LRRC4C: variants seen among roughly 807,000 people sequenced by gnomAD.
The protein encoded by LRRC4C is leucine-rich repeat-containing protein 4C.
Under a neutral mutation model 33.6 loss-of-function variants are expected in LRRC4C, and 5 were observed. That is an observed-to-expected ratio of 0.15 (90% CI 0.08 to 0.31). LRRC4C has a LOEUF of 0.31. LRRC4C is among the 10% of genes least tolerant of loss of function. The probability of loss-of-function intolerance (pLI) is 1.00; values close to 1 mark genes in which losing one functional copy is unlikely to be tolerated. For synonymous variants in LRRC4C, 329 were observed against 302.0 expected, an observed-to-expected ratio of 1.09 and a Z score of -0.93; for missense variants, 560 against 796.7, an observed-to-expected ratio of 0.70 and a Z score of 3.58.
intron 2 of LRRC4C, among the ~76,000 whole-genome samples, chr11:40,743,558 A>T (rs1222201722): frequency 6.6e-6 from 1 of 152,118 alleles, no homozygotes; most frequent in Non-Finnish European, 1.5e-5. Context: ...TATAGGCCTG[A>T]GGCTTCATTC....
chr11:40,855,174 G>C (rs1475767212), intron 2 of LRRC4C, among the ~76,000 whole-genome samples: 1 of 152,094 alleles, frequency 6.6e-6, no homozygotes, highest in African/African-American at 2.4e-5. Context: ...TCTTCCTTGT[G>C]CTCAGATTTC....
intron 1 of LRRC4C, among the ~76,000 whole-genome samples, chr11:41,126,661 A>T (rs1256963763): frequency 1.3e-5 from 2 of 151,932 alleles, no homozygotes; most frequent in Non-Finnish European, 2.9e-5. Context: ...CCCATAGGGC[A>T]TCAACAAACA....
Position 40,647,105 on chromosome 11 carries a change from G to T in LRRC4C, c.-270+1037C>A, listed in dbSNP as rs779878359. 9.2e-5 allele frequency among the ~76,000 whole-genome samples: 14 copies of T among 152,322 alleles called. 1 individual carries two copies. The highest frequency in any genetic ancestry group is 1.3e-4 in the Admixed American group (2 of 15,306). On this transcript the variant is annotated intron_variant, in intron 3 of 6. Transcript: ENST00000528697. ...CAGCTTAATCTACATAATGTGTAAA[G>T]AAAGGGTTATCTTTTGGGAGGATCA...
intron 3 of LRRC4C, among the ~76,000 whole-genome samples, chr11:40,345,727 C>G (rs1383688636): frequency 6.6e-6 from 1 of 152,064 alleles, no homozygotes; most frequent in Non-Finnish European, 1.5e-5. Context: ...AGAGATACTT[C>G]ATAGCAAAAG....
At position 40,703,069 on chromosome 11, in the gene LRRC4C, AT is replaced by A. The variant is rs538843903; in HGVS notation, c.-406-54792del. On this transcript the variant is annotated intron_variant, in intron 2 of 6. Coordinates refer to ENST00000528697, the MANE Select transcript of LRRC4C (RefSeq NM_001258419.2). Reference sequence around the variant, plus strand: ...TTAGAAATATTAATAGAATAATAATATTTTTTAATAGGGGGCAATTTTATAC... The same window carrying A: ...TTAGAAATATTAATAGAATAATAATATTTTTAATAGGGGGCAATTTTATAC... Among the ~76,000 whole-genome samples, 10 of 152,128 alleles carry A rather than the reference AT, an allele frequency of 6.6e-5. No homozygotes were observed. The South Asian group carries it at 1.5e-3, about 22-fold the overall frequency.
intron 5 of LRRC4C, among the ~76,000 whole-genome samples, chr11:40,165,937 C>G (rs2135393007): frequency 6.6e-6 from 1 of 152,238 alleles, no homozygotes; most frequent in Admixed American, 6.5e-5. Flanking sequence ...GAGAGCGAAA[C>G]TCTGTCTCAA....
intron 2 of LRRC4C, among the ~76,000 whole-genome samples, chr11:40,750,598 G>T (rs867876371): frequency 7.1e-6 from 1 of 141,774 alleles, no homozygotes; most frequent in African/African-American, 2.6e-5. Flanking sequence ...GGTGGGAATT[G>T]AACAGTGAGA....
intron 3 of LRRC4C, among the ~76,000 whole-genome samples, chr11:40,535,923 C>T (rs182089595): frequency 4.1e-4 from 62 of 152,326 alleles, no homozygotes; most frequent in Non-Finnish European, 6.5e-4. Flanking sequence ...TTTGCAGACG[C>T]TATGCATTTG....
intron 5 of LRRC4C, among the ~76,000 whole-genome samples, chr11:40,230,211 T>G (rs1452479): frequency 0.06 from 9,190 of 152,256 alleles, 913 homozygotes; most frequent in African/African-American, 0.21. Context: ...CAATAGAATT[T>G]AAATTTATTA....
At chr11:40,201,344 G>C (rs1015438945) in intron 5 of LRRC4C, among the ~76,000 whole-genome samples, 4 of 152,064 alleles carry the variant, frequency 2.6e-5, no homozygotes, top group Admixed American at 6.5e-5. Flanking sequence ...CTGGCTCACT[G>C]TTTTGTTTTT....
At chr11:41,096,049 G>A (rs533190204) in intron 1 of LRRC4C, among the ~76,000 whole-genome samples, 1 of 152,150 alleles carries the variant, frequency 6.6e-6, no homozygotes, top group Admixed American at 6.5e-5. Context: ...AATAGATATA[G>A]TATTAAGTAG....
chr11:40,922,032 T>C (rs1025295133), intron 2 of LRRC4C, among the ~76,000 whole-genome samples: 1 of 152,196 alleles, frequency 6.6e-6, no homozygotes, highest in Non-Finnish European at 1.5e-5. Context: ...TGTTTGGCAA[T>C]ACTCTCAGTT....
intron 2 of LRRC4C, among the ~76,000 whole-genome samples, chr11:40,820,395 T>A (rs1951883344): frequency 6.6e-6 from 1 of 152,002 alleles, no homozygotes; most frequent in African/African-American, 2.4e-5. Flanking sequence ...GTAGTAGAGA[T>A]GTTTCACAGT....
intron 3 of LRRC4C, among the ~76,000 whole-genome samples, chr11:40,475,896 A>G (rs1378220414): frequency 6.6e-6 from 1 of 152,120 alleles, no homozygotes; most frequent in African/African-American, 2.4e-5. Context: ...GCTACTTACC[A>G]GTGTGCCTAC....
intron 2 of LRRC4C, among the ~76,000 whole-genome samples, chr11:40,810,580 C>T (rs1238282901): frequency 6.6e-6 from 1 of 152,164 alleles, no homozygotes; most frequent in Non-Finnish European, 1.5e-5. Flanking sequence ...ATGAGTGTAT[C>T]TCAGATGGTA....
chr11:40,907,900 C>G (rs191755111), intron 2 of LRRC4C, among the ~76,000 whole-genome samples: 1 of 152,252 alleles, frequency 6.6e-6, no homozygotes, highest in East Asian at 1.9e-4. Flanking sequence ...ATCTTGCAAA[C>G]TATCATGTTC....
intron 4 of LRRC4C, among the ~76,000 whole-genome samples, chr11:40,271,573 C>G (rs1410097609): frequency 2.0e-5 from 3 of 152,176 alleles, no homozygotes; most frequent in Non-Finnish European, 2.9e-5. Context: ...TTGGCTCTGG[C>G]TGAAACAGCT....
At chr11:40,464,608 C>T (rs1952564926) in intron 3 of LRRC4C, among the ~76,000 whole-genome samples, 1 of 151,944 alleles carries the variant, frequency 6.6e-6, no homozygotes, top group South Asian at 2.1e-4. Flanking sequence ...TCCTAGATTT[C>T]ATAAATAAAT....
Position 41,427,023 on chromosome 11 carries a change from A to C in LRRC4C, c.-496+32408T>G, listed in dbSNP as rs928099012. Reference sequence around the variant, plus strand: ...TTAGTCAAAGCAATTTACAGAACCAATTTGATAATTTCAGGGAGAAGGAAA... The same window carrying C: ...TTAGTCAAAGCAATTTACAGAACCACTTTGATAATTTCAGGGAGAAGGAAA... On this transcript the variant is annotated intron_variant, in intron 1 of 6. Coordinates refer to ENST00000528697, the MANE Select transcript of LRRC4C (RefSeq NM_001258419.2). 2.6e-5 allele frequency among the ~76,000 whole-genome samples: 4 copies of C among 152,188 alleles called. No homozygotes were observed. The East Asian group carries it at 5.8e-4, about 22-fold the overall frequency.
Sources: gnomAD v4.1 joint callset for allele counts (sites outside exome capture counted in the v4.1 genomes callset) on GRCh38, gnomAD v4.1.1 for gene constraint, MANE v1.5 for transcripts, NCBI Gene and HGNC (gene_info 2026-07-23, HGNC 2026-07-21) for gene names.